Variants in DLGAP1 observed in about 807,000 individuals in gnomAD.
DLGAP1 encodes DLG associated protein 1.
Under a neutral mutation model 90.8 loss-of-function variants are expected in DLGAP1, and 11 were observed. That is an observed-to-expected ratio of 0.12 (90% CI 0.08 to 0.20). The LOEUF (loss-of-function observed/expected upper bound fraction) is 0.20, where lower values mean the gene tolerates loss of function less well. DLGAP1 is among the 10% of genes least tolerant of loss of function. The pLI is 1.00. For missense variants in DLGAP1, 1,050 were observed against 1,333.8 expected (o/e 0.79, Z 3.31); for synonymous variants, 558 against 540.7 (o/e 1.03, Z -0.44).
intron 1 of DLGAP1, among the ~76,000 whole-genome samples, chr18:4,364,897 C>T (rs1487431167): frequency 6.6e-6 from 1 of 152,090 alleles, no homozygotes; most frequent in Non-Finnish European, 1.5e-5. Flanking sequence ...TGATCTCTGC[C>T]TTAATTTCAT....
At chr18:3,587,524 G>A (rs1028571751) in intron 7 of DLGAP1, among the ~76,000 whole-genome samples, 10 of 151,996 alleles carry the variant, frequency 6.6e-5, no homozygotes, top group African/African-American at 2.2e-4. Flanking sequence ...TCTGTAAAAC[G>A]GATCAATCAG....
intron 2 of DLGAP1, among the ~76,000 whole-genome samples, chr18:4,089,828 G>A (rs998012548): frequency 4.6e-5 from 7 of 152,136 alleles, no homozygotes; most frequent in Non-Finnish European, 7.4e-5. Flanking sequence ...GGCGGATCAC[G>A]AGGTCAGGAG....
intron 6 of DLGAP1, among the ~76,000 whole-genome samples, chr18:3,741,762 T>C (rs980699584): frequency 1.1e-4 from 16 of 152,100 alleles, no homozygotes; most frequent in Non-Finnish European, 2.4e-4. Flanking sequence ...CTTTCCTATG[T>C]TTTTTTGCCA....
chr18:3,641,269 C>T (rs913549911), intron 7 of DLGAP1, among the ~76,000 whole-genome samples: 14 of 151,594 alleles, frequency 9.2e-5, no homozygotes, highest in African/African-American at 2.2e-4. Context: ...GACAAGAGGC[C>T]GGGCGCACTG....
intron 3 of DLGAP1, among the ~76,000 whole-genome samples, chr18:3,971,750 T>C (rs887047432): frequency 6.6e-6 from 1 of 152,186 alleles, no homozygotes; most frequent in Non-Finnish European, 1.5e-5. Flanking sequence ...CACAGGGCAA[T>C]AGGTTTAGAA....
intron 3 of DLGAP1, among the ~76,000 whole-genome samples, chr18:3,973,662 AT>A (rs940319074): frequency 6.6e-6 from 1 of 151,938 alleles, no homozygotes; most frequent in East Asian, 1.9e-4. Flanking sequence ...TTGCCTGCCA[AT>A]TTTTTTCCCT....
chr18:3,714,802 T>G (rs2061710500), intron 7 of DLGAP1, among the ~76,000 whole-genome samples: 1 of 151,860 alleles, frequency 6.6e-6, no homozygotes, highest in Non-Finnish European at 1.5e-5. Flanking sequence ...GCCTGGCTAA[T>G]TTTTGTATTT....
intron 1 of DLGAP1, among the ~76,000 whole-genome samples, chr18:4,274,022 G>A (rs1051458884): frequency 7.4e-5 from 11 of 147,684 alleles, no homozygotes; most frequent in African/African-American, 2.7e-4. Context: ...ACTAATTTCT[G>A]CTCAAATCTT....
chr18:3,996,007 G>C (rs954471321), intron 3 of DLGAP1, among the ~76,000 whole-genome samples: 4 of 151,914 alleles, frequency 2.6e-5, no homozygotes, highest in Admixed American at 1.3e-4. Context: ...AGACATGTAA[G>C]AAATACTGTA....
chr18:3,693,518 G>A (rs187329968), intron 7 of DLGAP1, among the ~76,000 whole-genome samples: 1 of 152,380 alleles, frequency 6.6e-6, no homozygotes, highest in Non-Finnish European at 1.5e-5. Flanking sequence ...GGATATTAAT[G>A]TGAAGGCAAT....
chr18:3,553,628 G>A (rs2053597767), intron 9 of DLGAP1, among the ~76,000 whole-genome samples: 1 of 152,038 alleles, frequency 6.6e-6, no homozygotes, highest in Non-Finnish European at 1.5e-5. Flanking sequence ...CCGTCTTCCG[G>A]GTTCAAGCAG....
chr18:3,901,583 A>G (rs1411648354), intron 3 of DLGAP1, among the ~76,000 whole-genome samples: 1 of 152,090 alleles, frequency 6.6e-6, no homozygotes, highest in Admixed American at 6.5e-5. Flanking sequence ...GCACATAGAT[A>G]TGGTGAGGGA....
intron 7 of DLGAP1, among the ~76,000 whole-genome samples, chr18:3,587,494 A>T (rs1469632909): frequency 1.3e-5 from 2 of 152,220 alleles, no homozygotes; most frequent in African/African-American, 4.8e-5. Context: ...GGCACTCTGT[A>T]AAAACGGACC....
At chr18:4,263,805 TCTTTTAG>T (rs2079051365) in intron 1 of DLGAP1, among the ~76,000 whole-genome samples, 1 of 152,250 alleles carries the variant, frequency 6.6e-6, no homozygotes, top group Non-Finnish European at 1.5e-5. Flanking sequence ...ATGTGTTTTT[TCTTTTAG>T]ATAGATTTCA....
At chr18:4,096,882 C>T (rs1283525026) in intron 2 of DLGAP1, among the ~76,000 whole-genome samples, 2 of 152,166 alleles carry the variant, frequency 1.3e-5, no homozygotes, top group Non-Finnish European at 2.9e-5. Context: ...ACTGAGCTAA[C>T]AATGGTACCT....
intron 1 of DLGAP1, among the ~76,000 whole-genome samples, chr18:4,407,279 A>G (rs534949343): frequency 2.0e-5 from 3 of 152,366 alleles, no homozygotes; most frequent in African/African-American, 7.2e-5. Context: ...GCCACCCAAA[A>G]GTACTATTTG....
Position 3,963,746 on chromosome 18 carries a change from T to G in DLGAP1, c.-73+41370A>C, listed in dbSNP as rs572636643. 2.1e-3 allele frequency among the ~76,000 whole-genome samples: 322 copies of G among 152,234 alleles called. 2 individuals are homozygous for G. The highest frequency in any genetic ancestry group is 7.5e-3 in the African/African-American group (310 of 41,546). ...GTCCCTCACCAAGGCTGTAGGTGTA[T>G]CTTCTATGGGATCTCTAGTGTAAGC... On this transcript the variant is annotated intron_variant, in intron 3 of 12. Transcript: ENST00000315677.
At chr18:3,773,429 G>A (rs567867773) in intron 5 of DLGAP1, among the ~76,000 whole-genome samples, 1 of 152,162 alleles carries the variant, frequency 6.6e-6, no homozygotes, top group Non-Finnish European at 1.5e-5. Context: ...TTTATGGAAG[G>A]AACGCTGTGC....
At chr18:4,074,453 A>G (rs528223498) in intron 2 of DLGAP1, among the ~76,000 whole-genome samples, 2 of 152,152 alleles carry the variant, frequency 1.3e-5, no homozygotes, top group East Asian at 1.9e-4. Context: ...ATTGTTTTAT[A>G]TTTCTAGATT....
Sources: gnomAD v4.1 joint callset for allele counts (sites outside exome capture counted in the v4.1 genomes callset) on GRCh38, gnomAD v4.1.1 for gene constraint, MANE v1.5 for transcripts, NCBI Gene and HGNC (gene_info 2026-07-23, HGNC 2026-07-21) for gene names.